NRXN3: variants seen among roughly 807,000 people sequenced by gnomAD.
The protein encoded by NRXN3 is neurexin 3.
A neutral mutation model predicts 137.6 loss-of-function variants in NRXN3; 32 were observed. The observed-to-expected ratio is 0.23, with a 90% CI of 0.18 to 0.31. The LOEUF (loss-of-function observed/expected upper bound fraction) is 0.31. NRXN3 is among the 10% of genes least tolerant of loss of function. The pLI is 1.00. For synonymous variants in NRXN3, 798 were observed against 784.5 expected, an observed-to-expected ratio of 1.02 and a Z score of -0.29; for missense variants, 1,574 against 2,062.5, an observed-to-expected ratio of 0.76 and a Z score of 4.59.
chr14:79,173,229 A>G (rs925648005), intron 15 of NRXN3, among the ~76,000 whole-genome samples: 1 of 152,146 alleles, frequency 6.6e-6, no homozygotes. Flanking sequence ...CAACATATAA[A>G]AAGTTTAAGA....
intron 15 of NRXN3, among the ~76,000 whole-genome samples, chr14:79,384,269 G>C (rs946969062): frequency 2.0e-5 from 3 of 152,080 alleles, no homozygotes; most frequent in Non-Finnish European, 2.9e-5. Context: ...GGGAAGAGAG[G>C]GGAAGGGAGG....
intron 19 of NRXN3, among the ~76,000 whole-genome samples, chr14:79,787,302 G>A (rs535130966): frequency 3.0e-4 from 46 of 152,094 alleles, no homozygotes; most frequent in African/African-American, 9.6e-4. Context: ...TAGGTACGAC[G>A]TGATGTTTCA....
At chr14:78,255,063 C>G (rs1038123139) in intron 2 of NRXN3, among the ~76,000 whole-genome samples, 13 of 150,818 alleles carry the variant, frequency 8.6e-5, no homozygotes, top group African/African-American at 3.2e-4. Context: ...TTGGCATAGA[C>G]TGGAAGCCTG....
chr14:79,474,595 T>C (rs1262240742), intron 16 of NRXN3, among the ~76,000 whole-genome samples: 1 of 152,134 alleles, frequency 6.6e-6, no homozygotes, highest in African/African-American at 2.4e-5. Context: ...TAAGTGACCC[T>C]ATAGCCTCCT....
chr14:78,948,330 C>A (rs1463434316), intron 10 of NRXN3, among the ~76,000 whole-genome samples: 3 of 152,194 alleles, frequency 2.0e-5, no homozygotes, highest in African/African-American at 7.2e-5. Flanking sequence ...TTCCCCTCCC[C>A]ATTCTTTGAT....
At chr14:78,978,979 A>G (rs2099480553) in intron 14 of NRXN3, among the ~76,000 whole-genome samples, 1 of 151,918 alleles carries the variant, frequency 6.6e-6, no homozygotes, top group Non-Finnish European at 1.5e-5. Flanking sequence ...AACCAGGAGC[A>G]CAAGTGTCCA....
chr14:78,447,005 C>G (rs2094436968), intron 4 of NRXN3, among the ~76,000 whole-genome samples: 1 of 152,156 alleles, frequency 6.6e-6, no homozygotes, highest in South Asian at 2.1e-4. Flanking sequence ...GTCCATGGTG[C>G]TAAACACAGA....
At chr14:79,591,757 AT>A (rs1227165246) in intron 16 of NRXN3, among the ~76,000 whole-genome samples, 14 of 152,136 alleles carry the variant, frequency 9.2e-5, no homozygotes, top group Admixed American at 9.2e-4. Flanking sequence ...TAGGGTTTCC[AT>A]TTCTACATGG....
At chr14:79,803,190 G>C (rs1260594280) in intron 19 of NRXN3, among the ~76,000 whole-genome samples, 2 of 152,026 alleles carry the variant, frequency 1.3e-5, no homozygotes, top group Non-Finnish European at 2.9e-5. Flanking sequence ...ATTATCTAAT[G>C]TGGTTTTTCC....
intron 8 of NRXN3, among the ~76,000 whole-genome samples, chr14:78,767,851 A>G (rs892270124): frequency 6.6e-6 from 1 of 152,176 alleles, no homozygotes; most frequent in Non-Finnish European, 1.5e-5. Context: ...GGGTTTGTCT[A>G]GCACCATTTT....
intron 4 of NRXN3, among the ~76,000 whole-genome samples, chr14:78,313,005 CTG>C (rs1435219657): frequency 6.6e-6 from 1 of 152,180 alleles, no homozygotes; most frequent in African/African-American, 2.4e-5. Context: ...CGCTGCATCT[CTG>C]TTTTTTATAG....
At chr14:79,552,133 A>C (rs1241603600) in intron 16 of NRXN3, among the ~76,000 whole-genome samples, 2 of 152,206 alleles carry the variant, frequency 1.3e-5, no homozygotes, top group Non-Finnish European at 2.9e-5. Context: ...GTTGTTTTCA[A>C]TTTGTTTATT....
rs1464836295 is a variant in NRXN3, at chr14:79,030,022, C to T, written c.3262+41881C>T. Among the ~76,000 whole-genome samples, 178 of 144,364 alleles carry T rather than the reference C, an allele frequency of 1.2e-3. 1 individual carries two copies. Among genetic ancestry groups the T allele is most frequent in the African/African-American group, 4.5e-3 (170 of 37,592 alleles). The allele number at this position is 144,364 out of a possible 152,430, so 94.7% of individuals were successfully genotyped here. A position where few individuals can be genotyped will look rare whatever the true frequency, so the allele number is the denominator to read the frequency against. ...CCACTGTGCCCGTCTAATTTTTTTT[C>T]TTCTTTTTTTTTTTCTTTCTTTCTT... On this transcript the variant is annotated intron_variant, in intron 15 of 20. Coordinates refer to ENST00000335750, the MANE Select transcript of NRXN3 (RefSeq NM_001330195.2).
chr14:78,603,478 T>A (rs1005581593), intron 4 of NRXN3, among the ~76,000 whole-genome samples: 1 of 152,148 alleles, frequency 6.6e-6, no homozygotes, highest in Non-Finnish European at 1.5e-5. Context: ...GTATTTTACA[T>A]ATAATTTAGA....
intron 10 of NRXN3, among the ~76,000 whole-genome samples, chr14:78,831,467 G>A (rs545803534): frequency 1.3e-4 from 19 of 148,788 alleles, no homozygotes; most frequent in Admixed American, 1.1e-3. Flanking sequence ...CCCAGGAGGC[G>A]GACGTTGCAG....
intron 15 of NRXN3, among the ~76,000 whole-genome samples, chr14:79,176,839 A>G (rs1464048631): frequency 6.6e-6 from 1 of 152,192 alleles, no homozygotes; most frequent in African/African-American, 2.4e-5. Context: ...CTCTTCACCC[A>G]TCAGAAAGAT....
chr14:78,492,936 G>A (rs2095696093), intron 4 of NRXN3, among the ~76,000 whole-genome samples: 1 of 152,186 alleles, frequency 6.6e-6, no homozygotes, highest in Non-Finnish European at 1.5e-5. Context: ...TGGAAATCCT[G>A]TATGGACTCA....
intron 4 of NRXN3, among the ~76,000 whole-genome samples, chr14:78,615,901 A>C (rs1014260148): frequency 2.6e-5 from 4 of 152,214 alleles, no homozygotes; most frequent in African/African-American, 9.6e-5. Flanking sequence ...TTAAGGCTGA[A>C]GTAAGCTATG....
intron 4 of NRXN3, among the ~76,000 whole-genome samples, chr14:78,436,324 T>C (rs1425173988): frequency 6.6e-6 from 1 of 152,252 alleles, no homozygotes; most frequent in Admixed American, 6.5e-5. Flanking sequence ...TCACCTACTG[T>C]ATGTCAGGGT....
Sources: gnomAD v4.1 joint callset for allele counts (sites outside exome capture counted in the v4.1 genomes callset) on GRCh38, gnomAD v4.1.1 for gene constraint, MANE v1.5 for transcripts, NCBI Gene and HGNC (gene_info 2026-07-23, HGNC 2026-07-21) for gene names.